TGIF1: variants seen among roughly 807,000 people sequenced by gnomAD.
TGIF1 encodes homeobox protein TGIF1.
A neutral mutation model predicts 19.3 loss-of-function variants in TGIF1; 4 were observed. That is an observed-to-expected ratio of 0.21 (90% confidence interval 0.10 to 0.47). TGIF1 has a LOEUF of 0.47. Among genes scored for constraint, TGIF1 ranks in the 20% least tolerant of loss-of-function variants. TGIF1 has a pLI of 0.98. For missense variants in TGIF1, 275 were observed against 341.4 expected (o/e 0.81, Z 1.53); for synonymous variants, 122 against 129.3 (o/e 0.94, Z 0.38).
At chr18:3,447,755 A>C, upstream of TGIF1, 1 of 1,614,182 alleles carries the variant, frequency 6.2e-7, no homozygotes, top group East Asian at 2.2e-5. Context: ...TTGCTCGGGC[A>C]AAAGTTGTGC....
At chr18:3,437,835 G>A (rs891588553) in intron 2 of TGIF1, among the ~76,000 whole-genome samples, 4 of 152,218 alleles carry the variant, frequency 2.6e-5, no homozygotes, top group Non-Finnish European at 4.4e-5. Context: ...TGTAATCCCA[G>A]CACTTTGGGA....
At chr18:3,427,164 G>A (rs2082481923) in intron 2 of TGIF1, among the ~76,000 whole-genome samples, 2 of 151,920 alleles carry the variant, frequency 1.3e-5, no homozygotes, top group South Asian at 2.1e-4. Context: ...GGCTAGCCTC[G>A]AACTCCTGAC....
At chr18:3,439,701 C>T (rs1384645037) in intron 2 of TGIF1, among the ~76,000 whole-genome samples, 1 of 151,790 alleles carries the variant, frequency 6.6e-6, no homozygotes, top group Non-Finnish European at 1.5e-5. Flanking sequence ...TGAATTGTTG[C>T]CTGTCTCAGG....
chr18:3,447,606 G>A, upstream of TGIF1: 1 of 999,670 alleles, frequency 1.0e-6, no homozygotes, highest in South Asian at 1.3e-5. Flanking sequence ...ACAAGTTTGA[G>A]ATCAGCGTTG....
At chr18:3,438,809 A>G (rs1419565859) in intron 2 of TGIF1, among the ~76,000 whole-genome samples, 1 of 152,192 alleles carries the variant, frequency 6.6e-6, no homozygotes, top group Non-Finnish European at 1.5e-5. Context: ...TAAATATTTG[A>G]GAGTAGGACT....
chr18:3,423,561 A>G lies in TGIF1; in HGVS notation c.-45+5346A>G, dbSNP rs200011007. The stretch of plus-strand genomic sequence containing the variant: ...CCGGGCTTGGTGTCGGGCGCCTGTG[A>G]TCCCAGCTACTCAGGAGCTACTGAG... On this transcript the variant is annotated intron_variant, in intron 2 of 3. Transcript: ENST00000401449. Among the ~76,000 whole-genome samples, 43 of 152,194 alleles carry G rather than the reference A, an allele frequency of 2.8e-4. No homozygotes were observed. The East Asian group carries it at 4.6e-3, about 16-fold the overall frequency.
chr18:3,448,628 T>C (rs750347057), upstream of TGIF1: 430 of 985,272 alleles, frequency 4.4e-4, no homozygotes, highest in Non-Finnish European at 5.1e-4. Context: ...ACGCTTTTTT[T>C]CCCTGTTGAT....
At chr18:3,452,354 T>C in intron 1 of TGIF1, 2 of 1,613,234 alleles carry the variant, frequency 1.2e-6, no homozygotes, top group Non-Finnish European at 1.7e-6. Flanking sequence ...GTCCAGCTCC[T>C]CGGCGCCGAC....
chr18:3,420,001 G>A (rs540045569), intron 2 of TGIF1, among the ~76,000 whole-genome samples: 1,877 of 107,424 alleles, frequency 0.017, 23 homozygotes, highest in Non-Finnish European at 0.027. Flanking sequence ...GCAAGACTCC[G>A]TCTCAAAAAA....
Position 3,456,343 on chromosome 18 carries a change from T to A in TGIF1, c.17-11T>A, listed in dbSNP as rs1450721457. 1 of 1,613,580 alleles carries A rather than the reference T, an allele frequency of 6.2e-7. No individual in the cohort carries two copies. Among genetic ancestry groups the A allele is most frequent in the African/African-American group, 1.3e-5 (1 of 74,934 alleles). The stretch of plus-strand genomic sequence containing the variant: ...TAAAGCAACTGACAACTGGCCCTTG[T>A]CCTTTCCTAGGTATTGTTGCAGCAT... On this transcript the variant is annotated splice_polypyrimidine_tract_variant and intron_variant, in intron 1 of 2. Coordinates refer to ENST00000343820, the MANE Select transcript of TGIF1 (RefSeq NM_003244.4). The surrounding 1 kb of genome is among the most constrained non-coding windows in gnomAD (Gnocchi z 4.2).
chr18:3,419,142 A>C (rs987557379), intron 2 of TGIF1, among the ~76,000 whole-genome samples: 2 of 152,246 alleles, frequency 1.3e-5, no homozygotes, highest in Non-Finnish European at 2.9e-5. Context: ...AGATTAGGAC[A>C]ACCATAAATA....
At chr18:3,448,194 C>G (rs1167869758), upstream of TGIF1, 9 of 985,246 alleles carry the variant, frequency 9.1e-6, no homozygotes, top group African/African-American at 3.5e-5. Flanking sequence ...AGTAACCGCC[C>G]GGTTCCAGAC....
Position 3,458,684 on chromosome 18 carries a change from C to T in TGIF1, c.*744C>T, listed in dbSNP as rs757972978. The T allele has an allele frequency of 6.5e-6, 1 of 152,770 alleles. No homozygotes were observed. The highest frequency in any genetic ancestry group is 2.4e-5 in the African/African-American group (1 of 41,416). 9.5% of individuals were successfully genotyped at this position (152,770 alleles called of 1,614,324 possible). A position where few individuals can be genotyped will look rare whatever the true frequency, so the allele number is the denominator to read the frequency against. On this transcript the variant is annotated 3_prime_UTR_variant, in exon 3 of 3. Coordinates refer to ENST00000343820, the MANE Select transcript of TGIF1 (RefSeq NM_003244.4). ...TTAGTGTTTAGCTAGCCACTAAATC[C>T]CTTGCTGATCTGTCCTGCGTAGTTT... is the stretch of plus-strand genomic sequence containing the variant.
At chr18:3,454,877 C>T (rs1185462184) in intron 1 of TGIF1, among the ~76,000 whole-genome samples, 1 of 152,158 alleles carries the variant, frequency 6.6e-6, no homozygotes, top group African/African-American at 2.4e-5. Flanking sequence ...GCACCTTCTG[C>T]CCCCTGCAGT....
At chr18:3,414,788 G>A (rs1399498949) in intron 1 of TGIF1, among the ~76,000 whole-genome samples, 1 of 152,124 alleles carries the variant, frequency 6.6e-6, no homozygotes, top group Non-Finnish European at 1.5e-5. Context: ...GTGCACAGCT[G>A]TAGTCCAAGC....
At chr18:3,448,560 C>G (rs1022232403), upstream of TGIF1, 14 of 985,646 alleles carry the variant, frequency 1.4e-5, no homozygotes, top group Non-Finnish European at 1.7e-5. Flanking sequence ...TCTTCTGTCC[C>G]GAGCAGTCAG....
Position 3,457,852 on chromosome 18 carries a change from A to G in TGIF1, c.731A>G (p.Asn244Ser), listed in dbSNP as rs377493356. ...NTPPPTPPDLNQDFSGFQLLV... is the reference protein window; with the variant it reads ...NTPPPTPPDLSQDFSGFQLLV... ...CCTCCCCCTACTCCACCGGACCTCA[A>G]CCAGGACTTCAGTGGATTTCAGCTT... The change falls in exon 3 of 3, where the codon AAC becomes AGC. Residue 244 changes from asparagine (N) to serine (S), a missense_variant. Asn to Ser is a conservative substitution (Grantham distance 46). Coordinates refer to ENST00000343820, the MANE Select transcript of TGIF1 (RefSeq NM_003244.4). This position sits in a 1 kb window ranked among gnomAD's most constrained non-coding sequence, Gnocchi z 4.9. 3 of 1,609,376 alleles carry G rather than the reference A, an allele frequency of 1.9e-6. No individual in the cohort carries two copies. The highest frequency in any genetic ancestry group is 2.5e-6 in the Non-Finnish European group (3 of 1,179,986).
At chr18:3,432,802 C>T (rs2082565642) in intron 2 of TGIF1, among the ~76,000 whole-genome samples, 1 of 151,900 alleles carries the variant, frequency 6.6e-6, no homozygotes. Flanking sequence ...ACTTGTTTCC[C>T]AGGCTGGAGT....
In TGIF1 at chr18:3,450,238, G is replaced by C; in HGVS notation, c.-252G>C. On this transcript the variant is annotated 5_prime_UTR_variant, in exon 1 of 3. Transcript: ENST00000343820. ...AAAGGAGCGGAGAGGGGAGGGGAGAGAGTTGGGCGAGGGAGAGCCCCCGGC... is the reference window on the plus strand; with the variant it reads ...AAAGGAGCGGAGAGGGGAGGGGAGACAGTTGGGCGAGGGAGAGCCCCCGGC... 2 of 1,423,748 alleles carry C rather than the reference G, an allele frequency of 1.4e-6. No individual in the cohort carries two copies. The highest frequency in any genetic ancestry group is 3.0e-5 in the South Asian group (2 of 66,140). The allele number at this position is 1,423,748 out of a possible 1,614,324, so 88.2% of individuals were successfully genotyped here.
Sources: gnomAD v4.1 joint callset for allele counts (sites outside exome capture counted in the v4.1 genomes callset) on GRCh38, gnomAD v4.1.1 for gene constraint, Gnocchi (gnomAD v3.1) non-coding constraint, MANE v1.5 for transcripts, NCBI Gene and HGNC (gene_info 2026-07-23, HGNC 2026-07-21) for gene names.